The following ABCA12 variants were observed in gnomAD, a reference collection of about 807,000 sequenced individuals.
The protein encoded by ABCA12 is ATP binding cassette subfamily A member 12.
ABCA12 carries 156 observed loss-of-function variants against 293.5 expected under a neutral mutation model. The ratio of observed to expected loss-of-function variants is 0.53; its 90% CI spans 0.47 to 0.61. The LOEUF (loss-of-function observed/expected upper bound fraction) is 0.61, where lower values mean the gene tolerates loss of function less well. ABCA12 is among the 20% of genes least tolerant of loss of function. The probability of loss-of-function intolerance (pLI) is 0.00; values close to 1 mark genes in which losing one functional copy is unlikely to be tolerated. For missense variants in ABCA12, 2,797 were observed against 3,090.2 expected (o/e 0.91, Z 2.25); for synonymous variants, 1,063 against 1,108.0 (o/e 0.96, Z 0.81).
rs549459794 is a variant in ABCA12, at chr2:215,108,079, A to T, written c.163+3518T>A. Among the ~76,000 whole-genome samples the T allele has an allele frequency of 3.9e-5, 6 of 152,110 alleles. No individual in the cohort carries two copies. In the South Asian group the frequency reaches 1.0e-3, roughly 26 times the overall value. Reference sequence around the variant, plus strand: ...AATGATGAAGACTGAGGGACCCACCATGGCTGAGTTTCATTTAGAGGTGGA... The same window carrying T: ...AATGATGAAGACTGAGGGACCCACCTTGGCTGAGTTTCATTTAGAGGTGGA... On this transcript the variant is annotated intron_variant, in intron 2 of 52. Transcript: ENST00000272895.
chr2:214,953,390 G>GGGT (rs1698839131), intron 44 of ABCA12, among the ~76,000 whole-genome samples: 1 of 152,172 alleles, frequency 6.6e-6, no homozygotes, highest in Non-Finnish European at 1.5e-5. Flanking sequence ...TGGAATTGCT[G>GGGT]GGTCAATGGC....
chr2:215,051,520 G>A (rs1311255307), intron 5 of ABCA12, among the ~76,000 whole-genome samples: 2 of 151,618 alleles, frequency 1.3e-5, no homozygotes, highest in African/African-American at 4.8e-5. Flanking sequence ...TATGGTTACT[G>A]GAATGTTAAT....
intron 6 of ABCA12, 81 bp from the exon 7 acceptor site, chr2:215,046,096 A>G (rs1701196851): frequency 2.8e-6 from 4 of 1,424,726 alleles, no homozygotes; most frequent in Non-Finnish European, 2.9e-6. Flanking sequence ...TAAAAGCATC[A>G]AAAATCTAGA....
chr2:215,061,563 A>G (rs1180419863), intron 3 of ABCA12, among the ~76,000 whole-genome samples: 3 of 152,128 alleles, frequency 2.0e-5, no homozygotes, highest in African/African-American at 7.2e-5. Context: ...AATATATGCC[A>G]GTTTCATTGC....
At chr2:215,104,405 T>C (rs1702420627) in intron 2 of ABCA12, among the ~76,000 whole-genome samples, 2 of 152,210 alleles carry the variant, frequency 1.3e-5, no homozygotes, top group Admixed American at 1.3e-4. Flanking sequence ...CCCATCCACA[T>C]TGCATGAGAG....
intron 2 of ABCA12, among the ~76,000 whole-genome samples, chr2:215,070,347 A>G (rs1701712269): frequency 6.6e-6 from 1 of 152,054 alleles, no homozygotes; most frequent in Non-Finnish European, 1.5e-5. Context: ...AGTAGGGTTC[A>G]TTCTTCTATT....
intron 1 of ABCA12, among the ~76,000 whole-genome samples, chr2:215,125,405 T>C (rs1243189343): frequency 2.0e-5 from 3 of 152,172 alleles, no homozygotes; most frequent in Non-Finnish European, 4.4e-5. Flanking sequence ...GTCATTTTCA[T>C]AATATTTATT....
At chr2:214,970,490 G>A (rs1699363711) in intron 36 of ABCA12, 90 bp from the exon 37 acceptor site, 2 of 1,423,842 alleles carry the variant, frequency 1.4e-6, no homozygotes, top group East Asian at 2.3e-5. Flanking sequence ...CTCATGATTT[G>A]TCTATTACTG....
chr2:215,018,820 T>C (rs935853069), intron 13 of ABCA12, among the ~76,000 whole-genome samples: 6 of 152,238 alleles, frequency 3.9e-5, no homozygotes, highest in African/African-American at 1.2e-4. Flanking sequence ...TCTAGTGCCA[T>C]TCCAATTTTG....
chr2:214,987,478 C>T (rs1390318505), intron 27 of ABCA12, among the ~76,000 whole-genome samples, 169 bp downstream of exon 27: 1 of 152,064 alleles, frequency 6.6e-6, no homozygotes, highest in Non-Finnish European at 1.5e-5. Flanking sequence ...CCAGAAAAAG[C>T]CACAATTTAA....
At chr2:214,947,071 T>G (rs911934399) in intron 48 of ABCA12, among the ~76,000 whole-genome samples, 3 of 152,194 alleles carry the variant, frequency 2.0e-5, no homozygotes, top group Admixed American at 2.0e-4. Context: ...AAAAGAGAGA[T>G]GATTTCTTCA....
At chr2:215,030,390 C>T (rs1489857845) in intron 9 of ABCA12, 1 of 150,800 alleles carries the variant, frequency 6.6e-6, no homozygotes, top group Non-Finnish European at 1.5e-5. Flanking sequence ...GTCAGGAGAC[C>T]GAGACCATCC....
At chr2:214,958,248 C>T (rs1258690561) in intron 41 of ABCA12, 29 bp downstream of exon 41, 1 of 1,613,284 alleles carries the variant, frequency 6.2e-7, no homozygotes, top group East Asian at 2.2e-5. Flanking sequence ...ATCTTTTATT[C>T]CCTGCAATGA....
chr2:215,020,799 G>A (rs966890580), intron 11 of ABCA12: 3 of 152,096 alleles, frequency 2.0e-5, no homozygotes, highest in Non-Finnish European at 2.9e-5. Context: ...CCAGGCTCAG[G>A]TGATCCTCCC....
intron 28 of ABCA12, among the ~76,000 whole-genome samples, chr2:214,985,792 C>A (rs537559450): frequency 6.6e-6 from 1 of 152,246 alleles, no homozygotes; most frequent in East Asian, 1.9e-4. Context: ...AACAAGGGCT[C>A]GAGCACCAGC....
chr2:215,036,717 C>G (rs1701002002), intron 8 of ABCA12, among the ~76,000 whole-genome samples: 1 of 152,050 alleles, frequency 6.6e-6, no homozygotes, highest in South Asian at 2.1e-4. Flanking sequence ...GTTTTACAAG[C>G]TAACAGAGAT....
intron 47 of ABCA12, among the ~76,000 whole-genome samples, chr2:214,948,256 A>C (rs1390217313): frequency 6.6e-6 from 1 of 152,220 alleles, no homozygotes. Context: ...TGTCAGTGCT[A>C]ATCCAAACAC....
At chr2:214,991,954 C>T (rs754900779) in intron 23 of ABCA12, among the ~76,000 whole-genome samples, 3 of 152,044 alleles carry the variant, frequency 2.0e-5, no homozygotes, top group South Asian at 2.1e-4. Flanking sequence ...ATGAGTGCAG[C>T]GAACCACCAT....
At chr2:215,050,008 T>C (rs1701286852) in intron 5 of ABCA12, among the ~76,000 whole-genome samples, 197 bp from the exon 6 acceptor site, 1 of 152,154 alleles carries the variant, frequency 6.6e-6, no homozygotes, top group Non-Finnish European at 1.5e-5. Flanking sequence ...ATGTGGTAAA[T>C]TCTTGTCATT....
Sources: allele counts gnomAD v4.1 joint callset (sites outside exome capture counted in the v4.1 genomes callset), GRCh38; gene constraint gnomAD v4.1.1; transcripts MANE v1.5; gene names NCBI Gene and HGNC (gene_info 2026-07-23, HGNC 2026-07-21).